HDGF: variants seen among roughly 807,000 people sequenced by gnomAD.
HDGF encodes the protein heparin binding growth factor, also known as hepatoma-derived growth factor.
HDGF carries 5 observed loss-of-function variants against 30.0 expected under a neutral mutation model. The ratio of observed to expected loss-of-function variants is 0.17; its 90% CI spans 0.09 to 0.35. The LOEUF (loss-of-function observed/expected upper bound fraction) is 0.35, where lower values mean the gene tolerates loss of function less well. HDGF is among the 10% of genes least tolerant of loss of function. The pLI is 1.00. For missense variants in HDGF, 214 were observed against 302.8 expected, an observed-to-expected ratio of 0.71 and a Z score of 2.18; for synonymous variants, 133 against 112.7, an observed-to-expected ratio of 1.18 and a Z score of -1.14.
chr1:156,754,554 G>A (rs116777087), upstream of HDGF, among the ~76,000 whole-genome samples: 909 of 152,314 alleles, frequency 6.0e-3, 10 homozygotes, highest in African/African-American at 0.02. Flanking sequence ...TTACACAGGC[G>A]GGCATAAGCC....
At chr1:156,744,393 T>C in intron 3 of HDGF, 45 bp from the exon 4 acceptor site, 2 of 1,607,306 alleles carry the variant, frequency 1.2e-6, no homozygotes, top group Non-Finnish European at 1.7e-6. Context: ...GTCGCTGCCA[T>C]GCTGGGCCCC....
At chr1:156,750,989 C>T (rs1650934083) in intron 1 of HDGF, among the ~76,000 whole-genome samples, 1 of 151,578 alleles carries the variant, frequency 6.6e-6, no homozygotes, top group African/African-American at 2.4e-5. Flanking sequence ...AGGAATAACA[C>T]GACTGGCCCA....
chr1:156,751,727 C>G (rs1025715162), upstream of HDGF: 12 of 1,180,104 alleles, frequency 1.0e-5, no homozygotes, highest in Admixed American at 4.8e-5. The surrounding 1 kb of genome is among the most constrained non-coding windows in gnomAD (Gnocchi z 4.7). Context: ...ACCCCCCGCC[C>G]GGTCCCCACT....
chr1:156,747,206 C>CT (rs1650617803), intron 1 of HDGF, among the ~76,000 whole-genome samples: 1 of 141,096 alleles, frequency 7.1e-6, no homozygotes, highest in Non-Finnish European at 1.6e-5. Context: ...CCCCCGGGGC[C>CT]ACTCAGCAAC....
At chr1:156,766,790 C>T (rs890945205) in exon 1 of HDGF, 8 of 152,356 alleles carry the variant, frequency 5.3e-5, no homozygotes, top group African/African-American at 1.4e-4. Context: ...CCTCAAGTAC[C>T]TGGCCCGGAT....
At chr1:156,745,508 G>C (rs1054653968) in intron 1 of HDGF, 135 bp from the exon 2 acceptor site, 1 of 685,188 alleles carries the variant, frequency 1.5e-6, no homozygotes, top group African/African-American at 1.8e-5. Context: ...GATGGCTTTT[G>C]GGCCATTTTT....
At chr1:156,756,048 C>T (rs1184920389), upstream of HDGF, among the ~76,000 whole-genome samples, 3 of 152,144 alleles carry the variant, frequency 2.0e-5, no homozygotes, top group African/African-American at 7.2e-5. Context: ...GTCAGGAGTT[C>T]GAGACCAGCC....
chr1:156,765,472 C>CTTTTTTTTTTTTTTTT (rs71080793), intron 1 of HDGF, among the ~76,000 whole-genome samples: 33 of 85,974 alleles, frequency 3.8e-4, no homozygotes, highest in Non-Finnish European at 5.0e-4. Context: ...TTCTTTCTTT[C>CTTTTTTTTTTTTTTTT]TTTTTTTTTT....
At chr1:156,761,808 G>A (rs1165094587) in intron 1 of HDGF, among the ~76,000 whole-genome samples, 8 of 151,150 alleles carry the variant, frequency 5.3e-5, no homozygotes, top group African/African-American at 1.5e-4. Flanking sequence ...TTAGCCGGGC[G>A]TGGTGGCATG....
chr1:156,761,972 A>C (rs548670353), intron 1 of HDGF, among the ~76,000 whole-genome samples: 30 of 138,428 alleles, frequency 2.2e-4, no homozygotes, highest in African/African-American at 4.9e-4. Context: ...TAAAAAAAAA[A>C]CACAAAAAAT....
chr1:156,747,564 G>GA (rs1650671967), intron 1 of HDGF: 1 of 152,034 alleles, frequency 6.6e-6, no homozygotes, highest in Non-Finnish European at 1.5e-5. Context: ...AGAGATCCCA[G>GA]GAGACAGGCA....
upstream of HDGF, among the ~76,000 whole-genome samples, chr1:156,753,377 T>A (rs1327976871): frequency 6.6e-6 from 1 of 152,184 alleles, no homozygotes; most frequent in Non-Finnish European, 1.5e-5. Flanking sequence ...TAGGTTCTAG[T>A]TGGTGTTTAC....
chr1:156,751,191 G>T lies in HDGF; in HGVS notation c.87+152C>A. On this transcript the variant is annotated intron_variant, in intron 1 of 5. Transcript: ENST00000357325. This position sits in a 1 kb window ranked among gnomAD's most constrained non-coding sequence, Gnocchi z 4.7. ...CCGCCTCCACCATTATATAACCGGC[G>T]GGTGGGCTTGGAAGCGACAGAGAAA... 1 of 1,077,648 alleles carries T rather than the reference G, an allele frequency of 9.3e-7. No individual in the cohort carries two copies. The highest frequency in any genetic ancestry group is 1.2e-6 in the Non-Finnish European group (1 of 829,520). 66.8% of individuals were successfully genotyped at this position (1,077,648 alleles called of 1,614,324 possible).
intron 1 of HDGF, among the ~76,000 whole-genome samples, chr1:156,747,123 G>C (rs1043343072): frequency 2.6e-5 from 4 of 151,562 alleles, no homozygotes; most frequent in African/African-American, 7.3e-5. Context: ...CGCTGGGTGT[G>C]AGAGCAGGGG....
chr1:156,746,333 G>T (rs1018324163), intron 1 of HDGF, among the ~76,000 whole-genome samples: 10 of 152,232 alleles, frequency 6.6e-5, no homozygotes, highest in South Asian at 2.1e-4. Flanking sequence ...TTTACTGAAT[G>T]AATTTACCAA....
intron 1 of HDGF, among the ~76,000 whole-genome samples, chr1:156,746,543 T>C (rs1428256821): frequency 6.6e-6 from 1 of 152,212 alleles, no homozygotes; most frequent in Non-Finnish European, 1.5e-5. Context: ...AGGTCTCAGG[T>C]CACCTGACTA....
intron 1 of HDGF, among the ~76,000 whole-genome samples, chr1:156,746,776 C>A (rs1650578657): frequency 6.6e-6 from 1 of 152,202 alleles, no homozygotes; most frequent in African/African-American, 2.4e-5. Context: ...AGCAGCCAGG[C>A]TTCCCGCCGG....
At chr1:156,760,457 G>C (rs1209587779) in intron 1 of HDGF, among the ~76,000 whole-genome samples, 1 of 152,216 alleles carries the variant, frequency 6.6e-6, no homozygotes, top group African/African-American at 2.4e-5. Flanking sequence ...GCTGGCGGAC[G>C]CTGTGGTTCT....
intron 1 of HDGF, among the ~76,000 whole-genome samples, chr1:156,748,548 T>C (rs1179760751): frequency 6.6e-6 from 1 of 152,182 alleles, no homozygotes; most frequent in African/African-American, 2.4e-5. Context: ...TACTTATTCT[T>C]AGGCCTTGCA....
Sources: allele counts gnomAD v4.1 joint callset (sites outside exome capture counted in the v4.1 genomes callset), GRCh38; gene constraint gnomAD v4.1.1; non-coding constraint Gnocchi (gnomAD v3.1); transcripts MANE v1.5; gene names NCBI Gene and HGNC (gene_info 2026-07-23, HGNC 2026-07-21).